Variants in RNF135 observed in about 807,000 individuals in gnomAD.
RNF135 encodes the protein ring finger protein 135.
RNF135 carries 46 observed loss-of-function variants against 41.9 expected under a neutral mutation model. The ratio of observed to expected loss-of-function variants is 1.10; its 90% CI spans 0.87 to 1.40. RNF135 has a LOEUF of 1.40. RNF135 is among the 40% of genes most tolerant of loss of function. RNF135 has a pLI of 0.00. For missense variants in RNF135, 539 were observed against 549.8 expected, an observed-to-expected ratio of 0.98 and a Z score of 0.20; for synonymous variants, 238 against 223.8, an observed-to-expected ratio of 1.06 and a Z score of -0.57.
At chr17:30,991,288 G>A (rs1323796948) in intron 3 of RNF135, among the ~76,000 whole-genome samples, 7 of 151,968 alleles carry the variant, frequency 4.6e-5, no homozygotes, top group Non-Finnish European at 8.8e-5. Flanking sequence ...GCTTGAACCC[G>A]GGAGGCAGAG....
the RNF135 span, among the ~76,000 whole-genome samples, chr17:30,961,611 T>C: frequency 6.6e-6 from 1 of 152,094 alleles, no homozygotes; most frequent in Admixed American, 6.6e-5. Flanking sequence ...CACAGGCACA[T>C]GCCACCATGC....
intron 2 of RNF135, among the ~76,000 whole-genome samples, chr17:30,986,868 C>T (rs1907625503): frequency 6.6e-6 from 1 of 152,228 alleles, no homozygotes; most frequent in African/African-American, 2.4e-5. Flanking sequence ...AGTTAACCTT[C>T]ATGAATTTCA....
chr17:30,991,665 C>T (rs1413015092), intron 3 of RNF135, among the ~76,000 whole-genome samples: 1 of 151,642 alleles, frequency 6.6e-6, no homozygotes, highest in Non-Finnish European at 1.5e-5. Context: ...CTGCTTGCCT[C>T]GGTCTCCCAA....
intron 3 of RNF135, among the ~76,000 whole-genome samples, chr17:30,995,910 C>T (rs1408079322): frequency 6.6e-6 from 1 of 151,484 alleles, no homozygotes; most frequent in Non-Finnish European, 1.5e-5. Context: ...GCATGTGCTA[C>T]CACCCCTGAC....
chr17:30,968,771 T>G (rs542356911), upstream of RNF135: 1 of 152,228 alleles, frequency 6.6e-6, no homozygotes, highest in Non-Finnish European at 1.5e-5. Context: ...TGAAAACTAC[T>G]GGTTAACTCA....
intron 4 of RNF135, 74 bp downstream of exon 4, chr17:30,997,405 C>T: frequency 8.0e-7 from 1 of 1,243,466 alleles, no homozygotes; most frequent in East Asian, 2.4e-5. Context: ...CTACATCCAT[C>T]TCCCTACTGC....
rs1364460869 is a variant in RNF135, at chr17:30,999,475, A to T, written c.*284A>T. The T allele has an allele frequency of 2.8e-5, 12 of 429,240 alleles. No homozygotes were observed. The East Asian group carries it at 5.6e-4, about 20-fold the overall frequency. The allele number at this position is 429,240 out of a possible 1,614,324, so 26.6% of individuals were successfully genotyped here. ...TACAGGATGAACTTGGGATGTTTGA[A>T]CCCTGGACATTCCAAATAAAGAATA... On this transcript the variant is annotated 3_prime_UTR_variant, in exon 5 of 5. Transcript: ENST00000328381.
rs1371915217 is a variant in RNF135, at chr17:30,971,162, GGCCCGCCACGCT to G, written c.94_105del (p.Ala32_Pro35del). ...ATCATCTGCCAGGGGCTGCTGGACT[GGCCCGCCACGCT>G]GCCCTGCGGCCACAGCTTCTGCCGC... On this transcript the variant is annotated inframe_deletion, in exon 1 of 5. Transcript: ENST00000328381. 6.5e-7 allele frequency: 1 copy of G among 1,531,802 alleles called. No individual in the cohort carries two copies. The highest frequency in any genetic ancestry group is 1.2e-5 in the South Asian group (1 of 83,812). 94.9% of individuals were successfully genotyped at this position (1,531,802 alleles called of 1,614,324 possible).
chr17:30,996,264 AT>A, intron 3 of RNF135, among the ~76,000 whole-genome samples: 2 of 144,348 alleles, frequency 1.4e-5, no homozygotes, highest in Middle Eastern at 4.2e-3. Context: ...TAATTTTTGT[AT>A]TTTTAGTAGA....
chr17:30,962,183 A>C, the RNF135 span, among the ~76,000 whole-genome samples: 1 of 148,768 alleles, frequency 6.7e-6, no homozygotes, highest in South Asian at 2.1e-4. Flanking sequence ...GCCAGGCTGG[A>C]GTGCAGTAGA....
upstream of RNF135, among the ~76,000 whole-genome samples, chr17:30,967,383 T>A (rs1224997544): frequency 1.3e-5 from 2 of 152,178 alleles, no homozygotes; most frequent in African/African-American, 4.8e-5. Flanking sequence ...TAGCTATCAT[T>A]CCAATAAAAT....
chr17:30,991,593 T>C (rs541835821), intron 3 of RNF135, among the ~76,000 whole-genome samples: 1 of 152,078 alleles, frequency 6.6e-6, no homozygotes, highest in East Asian at 1.9e-4. Context: ...ATTTTTGTAC[T>C]TTTAGAGATG....
the RNF135 span, among the ~76,000 whole-genome samples, chr17:30,964,383 T>G: frequency 8.1e-4 from 85 of 104,544 alleles, no homozygotes; most frequent in African/African-American, 4.1e-3. Flanking sequence ...GAGTGAGACT[T>G]CATCTCAAAA....
chr17:30,963,904 C>T, the RNF135 span, among the ~76,000 whole-genome samples: 1 of 152,062 alleles, frequency 6.6e-6, no homozygotes, highest in Admixed American at 6.6e-5. Flanking sequence ...CACTTGAGGC[C>T]AGGAGTTTGA....
chr17:30,971,229 C>T lies in RNF135; in HGVS notation c.156C>T (p.Arg52=). The change falls in exon 1 of 5, where the codon CGC becomes CGT. Residue 52 remains arginine (R), a synonymous_variant. Transcript: ENST00000328381. ...RHCLEALWGA[R]DARRWACPTC... ...GCCTGGAGGCCCTGTGGGGCGCCCG[C>T]GACGCCCGCCGCTGGGCCTGCCCCA... 1 of 1,512,708 alleles carries T rather than the reference C, an allele frequency of 6.6e-7. No homozygotes were observed. Among genetic ancestry groups the T allele is most frequent in the Non-Finnish European group, 8.8e-7 (1 of 1,137,232 alleles). 93.7% of individuals were successfully genotyped at this position (1,512,708 alleles called of 1,614,324 possible). A position where few individuals can be genotyped will look rare whatever the true frequency, so the allele number is the denominator to read the frequency against.
chr17:30,997,412 C>A, intron 4 of RNF135, 81 bp downstream of exon 4: 1 of 1,158,040 alleles, frequency 8.6e-7, no homozygotes, highest in Non-Finnish European at 1.3e-6. Context: ...CATCTCCCTA[C>A]TGCTAGGGCC....
intron 1 of RNF135, among the ~76,000 whole-genome samples, chr17:30,974,684 TA>T (rs1598078109): frequency 6.6e-6 from 1 of 151,038 alleles, no homozygotes; most frequent in African/African-American, 2.4e-5. Context: ...TTATTATTAT[TA>T]TTATTTTTTT....
At chr17:30,980,529 G>T (rs1907035245) in intron 1 of RNF135, among the ~76,000 whole-genome samples, 1 of 139,616 alleles carries the variant, frequency 7.2e-6, no homozygotes, top group African/African-American at 2.7e-5. Flanking sequence ...TCCCGGACGG[G>T]GTGGCTGCCG....
At chr17:30,977,680 T>C (rs1392754285) in intron 1 of RNF135, among the ~76,000 whole-genome samples, 1 of 152,130 alleles carries the variant, frequency 6.6e-6, no homozygotes, top group East Asian at 1.9e-4. Context: ...GCGATTCTCC[T>C]GCCGCAGCCT....
Sources: allele counts gnomAD v4.1 joint callset (sites outside exome capture counted in the v4.1 genomes callset), GRCh38; gene constraint gnomAD v4.1.1; transcripts MANE v1.5; gene names NCBI Gene and HGNC (gene_info 2026-07-23, HGNC 2026-07-21).